Variants in SLC2A3 observed in about 807,000 individuals in gnomAD.
SLC2A3 encodes solute carrier family 2 member 3, also known as solute carrier family 2, facilitated glucose transporter member 3.
Under a neutral mutation model 46.4 loss-of-function variants are expected in SLC2A3, and 21 were observed. That is an observed-to-expected ratio of 0.45 (90% CI 0.32 to 0.65). The LOEUF is 0.65. Among genes scored for constraint, SLC2A3 ranks in the 30% least tolerant of loss-of-function variants. The probability of loss-of-function intolerance (pLI) is 0.04; values close to 1 mark genes in which losing one functional copy is unlikely to be tolerated. For missense variants in SLC2A3, 499 were observed against 623.3 expected (o/e 0.80, Z 2.12); for synonymous variants, 213 against 239.4 (o/e 0.89, Z 1.02).
intron 1 of SLC2A3, among the ~76,000 whole-genome samples, chr12:7,934,387 T>A (rs1258443923): frequency 6.6e-6 from 1 of 152,040 alleles, no homozygotes; most frequent in Non-Finnish European, 1.5e-5. Flanking sequence ...TGGGTGGCTC[T>A]TTGAGTCTCT....
chr12:7,932,264 C>G (rs777059815), intron 3 of SLC2A3, among the ~76,000 whole-genome samples: 1 of 151,966 alleles, frequency 6.6e-6, no homozygotes, highest in South Asian at 2.1e-4. Context: ...CTCTGCACCC[C>G]CACTGCAGGT....
At chr12:7,923,687 T>G (rs981301206) in intron 8 of SLC2A3, among the ~76,000 whole-genome samples, 1 of 152,048 alleles carries the variant, frequency 6.6e-6, no homozygotes, top group African/African-American at 2.4e-5. Flanking sequence ...CTTGAACTTC[T>G]GGGCTCAAGC....
chr12:7,933,712 T>A, intron 2 of SLC2A3, 98 bp downstream of exon 2: 1 of 1,293,248 alleles, frequency 7.7e-7, no homozygotes. Context: ...TCCAGGCAGA[T>A]GCCACCATGC....
At chr12:7,930,365 C>T in intron 5 of SLC2A3, 115 bp downstream of exon 5, 1 of 1,140,744 alleles carries the variant, frequency 8.8e-7, no homozygotes, top group Non-Finnish European at 1.3e-6. Flanking sequence ...GAACCCTCCT[C>T]ACTTGGATTC....
intron 2 of SLC2A3, 130 bp from the exon 3 acceptor site, chr12:7,933,277 A>G (rs1017298066): frequency 2.0e-6 from 2 of 1,017,590 alleles, no homozygotes; most frequent in Non-Finnish European, 2.8e-6. Context: ...GGGGCAGATA[A>G]CGTATTGGAA....
In SLC2A3 at chr12:7,921,483, C is replaced by A; in HGVS notation, c.1421G>T (p.Arg474Ile). The change falls in exon 10 of 10, where the codon AGA becomes ATA. Residue 474 changes from arginine to isoleucine, a missense_variant. Arg to Ile is a moderately conservative substitution (Grantham distance 97). Transcript: ENST00000075120. ...CTCCATGACGCCGTCCTTTCCAGAT[C>A]TATCTGCACCGTGTGCCTGCCCTTC... is the stretch of plus-strand genomic sequence containing the variant. ...AFEGQAHGAD[R>I]SGKDGVMEMN... The A allele has an allele frequency of 6.2e-7, 1 of 1,613,964 alleles. No individual in the cohort carries two copies. Among genetic ancestry groups the A allele is most frequent in the African/African-American group, 1.3e-5 (1 of 75,026 alleles).
rs1439838178 is a variant in SLC2A3, at chr12:7,926,075, T to C, written c.862-127A>G. On this transcript the variant is annotated intron_variant, in intron 6 of 9. Coordinates refer to ENST00000075120, the MANE Select transcript of SLC2A3 (RefSeq NM_006931.3). The stretch of plus-strand genomic sequence containing the variant: ...TTTCTAGGTTTTCGTTCAATACTAA[T>C]ATCCCTTCTGCAAATGAATTATCTT... 1.4e-5 allele frequency: 10 copies of C among 728,478 alleles called. No homozygotes were observed. In the East Asian group the frequency reaches 1.5e-4, roughly 11 times the overall value. The allele number at this position is 728,478 out of a possible 1,614,324, so 45.1% of individuals were successfully genotyped here.
rs371005312 is a variant in SLC2A3, at chr12:7,929,759, T to C, written c.786A>G (p.Arg262=). The change falls in exon 6 of 10, where the codon AGA becomes AGG. Residue 262 remains arginine, a synonymous_variant. Coordinates refer to ENST00000075120, the MANE Select transcript of SLC2A3 (RefSeq NM_006931.3). Reference sequence around the variant, plus strand: ...TGATGGGCTGTCGGTAGCTGGACACTCTAAAGAGCTCTAGCACGGTGACTT... The same window carrying C: ...TGATGGGCTGTCGGTAGCTGGACACCCTAAAGAGCTCTAGCACGGTGACTT... ...EKQVTVLELF[R]VSSYRQPIII... 6.2e-7 allele frequency: 1 copy of C among 1,613,328 alleles called. No individual in the cohort carries two copies. Among genetic ancestry groups the C allele is most frequent in the African/African-American group, 1.3e-5 (1 of 75,040 alleles).
chr12:7,934,543 A>T (rs79759672), intron 1 of SLC2A3, among the ~76,000 whole-genome samples: 4,474 of 152,162 alleles, frequency 0.029, 230 homozygotes, highest in African/African-American at 0.1. Context: ...TATAAGGGCG[A>T]ACCCAACATA....
chr12:7,931,126 T>C (rs1429453895), intron 4 of SLC2A3, 119 bp downstream of exon 4: 2 of 1,496,820 alleles, frequency 1.3e-6, no homozygotes, highest in African/African-American at 1.4e-5. Context: ...CTATCTATTA[T>C]CTAAAACTTC....
At chr12:7,930,126 C>G (rs1946136538) in intron 5 of SLC2A3, 1 of 668,148 alleles carries the variant, frequency 1.5e-6, no homozygotes, top group Non-Finnish European at 2.3e-6. Context: ...GCTGGGATTA[C>G]AGGCATGCGC....
intron 1 of SLC2A3, among the ~76,000 whole-genome samples, chr12:7,935,416 C>A (rs1946202373): frequency 6.6e-6 from 1 of 152,204 alleles, no homozygotes; most frequent in Admixed American, 6.5e-5. Context: ...CGCTCCATTG[C>A]ACTCCAGCCT....
At chr12:7,930,412 C>T in intron 5 of SLC2A3, 68 bp downstream of exon 5, 1 of 1,446,764 alleles carries the variant, frequency 6.9e-7, no homozygotes. Flanking sequence ...AAAGTAGGTC[C>T]AGTACAATCA....
chr12:7,931,394 T>G lies in SLC2A3; in HGVS notation c.361A>C (p.Ile121Leu). The G allele has an allele frequency of 6.2e-7, 1 of 1,614,110 alleles. No individual in the cohort carries two copies. Among genetic ancestry groups the G allele is most frequent in the Non-Finnish European group, 8.5e-7 (1 of 1,180,016 alleles). The change falls in exon 4 of 10, where the codon ATC (isoleucine) becomes CTC (leucine). Residue 121 changes from isoleucine (I) to leucine (L), a missense_variant. By Grantham distance (5) the Ile-to-Leu change is conservative. Transcript: ENST00000075120. ...AGGCCAATAACCAAGCGACCCAGGA[T>G]CAGCATTTCAACCGACTTAGCTACT... ...CKVAKSVEMLILGRLVIGLFC... is the reference protein window; with the variant it reads ...CKVAKSVEMLLLGRLVIGLFC...
rs1946016719 is a variant in SLC2A3, at chr12:7,919,732, C to G, written c.*1681G>C. On this transcript the variant is annotated 3_prime_UTR_variant, in exon 10 of 10. Coordinates refer to ENST00000075120, the MANE Select transcript of SLC2A3 (RefSeq NM_006931.3). ...GGCCTCAGCTACGTGCATTTTTATT[C>G]AAAGGCTCCAGGAGCAGAGGGAACA... 1 of 152,222 alleles carries G rather than the reference C, an allele frequency of 6.6e-6. No individual in the cohort carries two copies. Among genetic ancestry groups the G allele is most frequent in the Non-Finnish European group, 1.5e-5 (1 of 68,126 alleles). 9.4% of individuals were successfully genotyped at this position (152,222 alleles called of 1,614,324 possible).
At chr12:7,927,805 G>A (rs1946111097) in intron 6 of SLC2A3, among the ~76,000 whole-genome samples, 1 of 152,120 alleles carries the variant, frequency 6.6e-6, no homozygotes, top group Admixed American at 6.6e-5. Context: ...CATGCCGGGC[G>A]AGGTGGGTCA....
At chr12:7,930,269 TCA>T in intron 5 of SLC2A3, 1 of 570,630 alleles carries the variant, frequency 1.8e-6, no homozygotes, top group Non-Finnish European at 3.0e-6. Flanking sequence ...GCATGAGCCA[TCA>T]CACCCTGCCT....
At chr12:7,932,122 T>C (rs1592358204) in intron 3 of SLC2A3, among the ~76,000 whole-genome samples, 2 of 151,884 alleles carry the variant, frequency 1.3e-5, no homozygotes, top group East Asian at 1.9e-4. Flanking sequence ...CCTTGTTATC[T>C]GCCCGCCTCA....
rs532855670 is a variant in SLC2A3, at chr12:7,930,998, A to G, written c.510+247T>C. On this transcript the variant is annotated intron_variant, in intron 4 of 9. Transcript: ENST00000075120. ...TTTTTAGTAGAGATGGGGTTTCACC[A>G]TGTTAGCCAGGCTGGTCTTCATCTG... Among the ~76,000 whole-genome samples the G allele has an allele frequency of 1.8e-3, 270 of 151,970 alleles. 1 individual carries two copies. Among genetic ancestry groups the G allele is most frequent in the Middle Eastern group, 3.4e-3 (1 of 294 alleles).
Sources: gnomAD v4.1 joint callset for allele counts (sites outside exome capture counted in the v4.1 genomes callset) on GRCh38, gnomAD v4.1.1 for gene constraint, MANE v1.5 for transcripts, NCBI Gene and HGNC (gene_info 2026-07-23, HGNC 2026-07-21) for gene names.